GNAI1: variants seen among roughly 807,000 people sequenced by gnomAD.
The protein encoded by GNAI1 is guanine nucleotide-binding protein G(i) subunit alpha-1.
GNAI1 carries 11 observed loss-of-function variants against 38.9 expected under a neutral mutation model. The observed-to-expected ratio is 0.28, with a 90% CI of 0.18 to 0.47. GNAI1 has a LOEUF of 0.47. GNAI1 is among the 20% of genes least tolerant of loss of function. GNAI1 has a pLI of 0.99. For missense variants in GNAI1, 317 were observed against 436.9 expected (o/e 0.73, Z 2.45); for synonymous variants, 166 against 145.1 (o/e 1.14, Z -1.04).
intron 1 of GNAI1, among the ~76,000 whole-genome samples, chr7:80,185,716 A>G (rs1276026335): frequency 1.3e-5 from 2 of 152,122 alleles, no homozygotes; most frequent in African/African-American, 4.8e-5. Flanking sequence ...GTGCAGCGTT[A>G]CACTCCCAGC....
intron 1 of GNAI1, among the ~76,000 whole-genome samples, chr7:80,173,421 G>GCC (rs904356348): frequency 6.8e-4 from 103 of 152,246 alleles, no homozygotes; most frequent in African/African-American, 2.3e-3. Context: ...CTCCTCCTGA[G>GCC]CCCCTATATT....
intron 1 of GNAI1, among the ~76,000 whole-genome samples, chr7:80,154,532 A>T (rs1321939733): frequency 2.0e-5 from 3 of 152,186 alleles, no homozygotes; most frequent in African/African-American, 7.2e-5. Context: ...ATTAATTTCC[A>T]GACTGAAGTT....
intron 7 of GNAI1, among the ~76,000 whole-genome samples, chr7:80,213,554 T>C (rs1183213416): frequency 6.6e-6 from 1 of 152,142 alleles, no homozygotes; most frequent in East Asian, 1.9e-4. Context: ...ACATTAGTTT[T>C]AGTTTAATTT....
chr7:80,181,938 T>A (rs1188916781), intron 1 of GNAI1, among the ~76,000 whole-genome samples: 1 of 152,142 alleles, frequency 6.6e-6, no homozygotes, highest in Non-Finnish European at 1.5e-5. Context: ...CAATATGTTG[T>A]TATTAACTGT....
chr7:80,197,155 C>T (rs539116371), intron 3 of GNAI1, among the ~76,000 whole-genome samples: 40 of 147,548 alleles, frequency 2.7e-4, no homozygotes, highest in Non-Finnish European at 4.2e-4. Flanking sequence ...GTATATTTGA[C>T]CTTGACCTAT....
chr7:80,179,442 T>A (rs1415445537), intron 1 of GNAI1, among the ~76,000 whole-genome samples: 1 of 152,192 alleles, frequency 6.6e-6, no homozygotes, highest in Non-Finnish European at 1.5e-5. Context: ...TACGTATTTC[T>A]TTGGCTTATT....
intron 7 of GNAI1, among the ~76,000 whole-genome samples, chr7:80,214,985 C>CGGTTGGTT (rs981749379): frequency 1.8e-4 from 27 of 151,986 alleles, no homozygotes; most frequent in African/African-American, 6.5e-4. Context: ...TTGGGTTGGT[C>CGGTTGGTT]GGTTGGTTGG....
intron 1 of GNAI1, among the ~76,000 whole-genome samples, chr7:80,151,008 T>G (rs2285755): frequency 0.046 from 6,999 of 152,250 alleles, 273 homozygotes; most frequent in African/African-American, 0.11. Flanking sequence ...AGTAGCTCTG[T>G]TTATTTACAG....
intron 1 of GNAI1, among the ~76,000 whole-genome samples, chr7:80,169,329 G>A (rs574051833): frequency 2.3e-4 from 35 of 152,108 alleles, no homozygotes; most frequent in Admixed American, 6.5e-4. Context: ...TTCCTCCTGA[G>A]GGAATCCTTT....
chr7:80,217,198 CTGTATGAAACTGACTTCAGTTTCATA>C (rs146256242), intron 7 of GNAI1, 79 bp from the exon 8 acceptor site: 202 of 479,328 alleles, frequency 4.2e-4, no homozygotes, highest in Admixed American at 2.1e-3. Context: ...ATGAATGAAA[CTGTATGAAACTGACTTCAGTTTCATA>C]TGTATGAAAC....
chr7:80,156,851 A>T (rs564351641), intron 1 of GNAI1, among the ~76,000 whole-genome samples: 1 of 152,348 alleles, frequency 6.6e-6, no homozygotes, highest in East Asian at 1.9e-4. Context: ...GAGAGGGTAC[A>T]GAGCTTTCCC....
chr7:80,135,847 C>T (rs1304947375), intron 1 of GNAI1: 1 of 984,926 alleles, frequency 1.0e-6, no homozygotes, highest in Admixed American at 6.2e-5. Flanking sequence ...GGTCAAGGAG[C>T]GCTGATTACA....
At chr7:80,152,558 C>CTTTTTTTTTTTT (rs35141470) in intron 1 of GNAI1, among the ~76,000 whole-genome samples, 1 of 103,006 alleles carries the variant, frequency 9.7e-6, no homozygotes, top group Non-Finnish European at 2.0e-5. Context: ...GGTCTCAATT[C>CTTTTTTTTTTTT]TTTTTTTTTT....
chr7:80,136,102 C>G lies in GNAI1; in HGVS notation c.118+824C>G, dbSNP rs557493122. On this transcript the variant is annotated intron_variant, in intron 1 of 7. Transcript: ENST00000649796. ...ACGCAAGGCTTTTATTTGTTCTTAG[C>G]ACTGTTCTGTTCGTGAAACGCTACG... The G allele has an allele frequency of 1.6e-5, 15 of 927,240 alleles. No homozygotes were observed. The East Asian group carries it at 1.6e-3, about 101-fold the overall frequency. The allele number at this position is 927,240 out of a possible 1,614,324, so 57.4% of individuals were successfully genotyped here.
intron 7 of GNAI1, among the ~76,000 whole-genome samples, chr7:80,216,481 A>T (rs533116938): frequency 1.2e-4 from 18 of 152,162 alleles, no homozygotes; most frequent in Non-Finnish European, 2.4e-4. Flanking sequence ...TTTTGTCCTC[A>T]CCAGTTCATT....
intron 1 of GNAI1, among the ~76,000 whole-genome samples, chr7:80,137,600 G>A (rs1487992085): frequency 6.6e-6 from 1 of 152,142 alleles, no homozygotes; most frequent in African/African-American, 2.4e-5. Flanking sequence ...GATTACAGGC[G>A]TGAGCCACCT....
intron 3 of GNAI1, among the ~76,000 whole-genome samples, chr7:80,191,528 A>AC (rs1788480234): frequency 6.6e-6 from 1 of 152,056 alleles, no homozygotes. Flanking sequence ...AGTAGCTGGA[A>AC]CCACGGATGT....
rs1189910354 is a variant in GNAI1, at chr7:80,148,977, A to T, written c.118+13699A>T. ...AATAGTCTTAATTATATGCAGTATC[A>T]GTGTAGAAAAAAATATAGGAATTGC... On this transcript the variant is annotated intron_variant, in intron 1 of 7. Transcript: ENST00000649796. 3.3e-5 allele frequency among the ~76,000 whole-genome samples: 5 copies of T among 152,230 alleles called. No individual in the cohort carries two copies. The East Asian group carries it at 7.7e-4, about 23-fold the overall frequency.
At chr7:80,166,811 T>C (rs1052220469) in intron 1 of GNAI1, among the ~76,000 whole-genome samples, 3 of 152,244 alleles carry the variant, frequency 2.0e-5, no homozygotes, top group Non-Finnish European at 4.4e-5. Flanking sequence ...TACATGTGTA[T>C]ACCTGTGGTT....
Sources: gnomAD v4.1 joint callset for allele counts (sites outside exome capture counted in the v4.1 genomes callset) on GRCh38, gnomAD v4.1.1 for gene constraint, MANE v1.5 for transcripts, NCBI Gene and HGNC (gene_info 2026-07-23, HGNC 2026-07-21) for gene names.